Variants in RBM19 observed in about 807,000 individuals in gnomAD.
RBM19 encodes the protein probable RNA-binding protein 19.
RBM19 carries 94 observed loss-of-function variants against 116.8 expected under a neutral mutation model. The ratio of observed to expected loss-of-function variants is 0.80; its 90% CI spans 0.68 to 0.95. The LOEUF (loss-of-function observed/expected upper bound fraction) is 0.95. RBM19 is among the 40% of genes least tolerant of loss of function. RBM19 has a pLI of 0.00. For missense variants in RBM19, 1,161 were observed against 1,220.7 expected, an observed-to-expected ratio of 0.95 and a Z score of 0.73; for synonymous variants, 475 against 494.1, an observed-to-expected ratio of 0.96 and a Z score of 0.51.
At chr12:113,949,412 C>A (rs774078436) in intron 9 of RBM19, among the ~76,000 whole-genome samples, 4 of 152,194 alleles carry the variant, frequency 2.6e-5, no homozygotes, top group Admixed American at 2.6e-4. Context: ...TTTATTTGCA[C>A]GCATAGCCCC....
intron 21 of RBM19, among the ~76,000 whole-genome samples, chr12:113,868,002 A>G (rs1878954346): frequency 6.6e-6 from 1 of 152,156 alleles, no homozygotes; most frequent in Non-Finnish European, 1.5e-5. Flanking sequence ...ACATTCTAGT[A>G]TTTTTTCTCC....
chr12:113,927,072 T>G lies in RBM19; in HGVS notation c.2226A>C (p.Thr742=), dbSNP rs1433262181. 6.2e-7 allele frequency: 1 copy of G among 1,613,438 alleles called. No homozygotes were observed. Among genetic ancestry groups the G allele is most frequent in the African/African-American group, 1.3e-5 (1 of 74,920 alleles). Reference sequence around the variant, plus strand: ...CACTCACTTCCTTCAGCTTCTCTTCTGTTGTGTCAAAATTGAGATTCTTAA... The same window carrying G: ...CACTCACTTCCTTCAGCTTCTCTTCGGTTGTGTCAAAATTGAGATTCTTAA... ...LFIKNLNFDT[T]EEKLKEVFSK... is the part of the protein sequence containing the mutation. Residue 742 remains threonine, a synonymous_variant, in exon 17 of 24, where the codon ACA becomes ACC. Transcript: ENST00000261741.
At chr12:113,859,516 C>G (rs1023890830) in intron 21 of RBM19, among the ~76,000 whole-genome samples, 1 of 152,204 alleles carries the variant, frequency 6.6e-6, no homozygotes, top group Non-Finnish European at 1.5e-5. Flanking sequence ...ATCTTCTAAG[C>G]CAAAGTCAGG....
chr12:113,888,225 A>C (rs917673339), intron 21 of RBM19, among the ~76,000 whole-genome samples: 1 of 152,192 alleles, frequency 6.6e-6, no homozygotes, highest in Non-Finnish European at 1.5e-5. Flanking sequence ...AAAAAAACTC[A>C]ATGCTTTACA....
At chr12:113,839,936 G>C (rs1039838040) in intron 23 of RBM19, among the ~76,000 whole-genome samples, 2 of 151,982 alleles carry the variant, frequency 1.3e-5, no homozygotes, top group South Asian at 4.2e-4. Flanking sequence ...AAACCTTTTG[G>C]GGCCCATGAC....
At chr12:113,838,192 C>A (rs1876131593) in intron 23 of RBM19, among the ~76,000 whole-genome samples, 1 of 152,244 alleles carries the variant, frequency 6.6e-6, no homozygotes, top group Non-Finnish European at 1.5e-5. Flanking sequence ...TAACTGCACT[C>A]ACCCACTCTG....
intron 21 of RBM19, among the ~76,000 whole-genome samples, chr12:113,873,590 A>G (rs1251632365): frequency 8.0e-6 from 1 of 124,432 alleles, no homozygotes; most frequent in African/African-American, 3.1e-5. Context: ...ACCTTTGTTC[A>G]CTTGTTTATC....
intron 22 of RBM19, among the ~76,000 whole-genome samples, chr12:113,846,483 C>G (rs901142645): frequency 5.3e-5 from 8 of 152,074 alleles, no homozygotes; most frequent in African/African-American, 1.9e-4. Flanking sequence ...AACAGCAGGC[C>G]CTGAGCCAAT....
At chr12:113,957,133 T>C (rs1374361912) in intron 6 of RBM19, among the ~76,000 whole-genome samples, 1 of 152,228 alleles carries the variant, frequency 6.6e-6, no homozygotes, top group African/African-American at 2.4e-5. Flanking sequence ...CTATCTGTAG[T>C]CATTAGACCT....
intron 21 of RBM19, among the ~76,000 whole-genome samples, chr12:113,866,858 T>C (rs982314923): frequency 6.6e-6 from 1 of 152,244 alleles, no homozygotes; most frequent in African/African-American, 2.4e-5. Context: ...GTCCAGATTA[T>C]TTTAAGAAAT....
chr12:113,931,479 T>C (rs1404198466), intron 16 of RBM19, among the ~76,000 whole-genome samples: 2 of 152,092 alleles, frequency 1.3e-5, no homozygotes, highest in East Asian at 1.9e-4. Context: ...GAAATGCAAG[T>C]ATCCACTATT....
chr12:113,917,700 G>A (rs1288646797), intron 20 of RBM19, among the ~76,000 whole-genome samples: 1 of 152,230 alleles, frequency 6.6e-6, no homozygotes, highest in Non-Finnish European at 1.5e-5. Flanking sequence ...GGCTGTTAGA[G>A]GCATTCATTT....
chr12:113,824,775 T>C (rs1874716387), intron 23 of RBM19, among the ~76,000 whole-genome samples: 1 of 151,944 alleles, frequency 6.6e-6, no homozygotes, highest in African/African-American at 2.4e-5. Flanking sequence ...CCCTCCCAAA[T>C]CAATTCAAAC....
At chr12:113,951,481 C>T (rs959303957) in intron 8 of RBM19, among the ~76,000 whole-genome samples, 3 of 152,096 alleles carry the variant, frequency 2.0e-5, no homozygotes, top group Non-Finnish European at 4.4e-5. Flanking sequence ...ATGCTGTACA[C>T]AGAGCCATTC....
Position 113,959,077 on chromosome 12 carries a change from G to A in RBM19, c.571+135C>T, listed in dbSNP as rs549208737. ...AGTGAAGACAGATGCACCTGCAGAGGGATCATCACCCCCAATGGAGAGCTC... is the reference window on the plus strand; with the variant it reads ...AGTGAAGACAGATGCACCTGCAGAGAGATCATCACCCCCAATGGAGAGCTC... On this transcript the variant is annotated intron_variant, in intron 5 of 23. Coordinates refer to ENST00000261741, the MANE Select transcript of RBM19 (RefSeq NM_016196.4). 55 of 839,622 alleles carry A rather than the reference G, an allele frequency of 6.6e-5. No homozygotes were observed. In the East Asian group the frequency reaches 1.3e-3, roughly 20 times the overall value. The allele number at this position is 839,622 out of a possible 1,614,324, so 52.0% of individuals were successfully genotyped here.
intron 16 of RBM19, among the ~76,000 whole-genome samples, chr12:113,929,970 A>G (rs1869458934): frequency 6.6e-6 from 1 of 152,254 alleles, no homozygotes; most frequent in Non-Finnish European, 1.5e-5. Flanking sequence ...AGTTTAAAGG[A>G]CAGCCCCTTC....
chr12:113,878,632 G>GAC (rs55868508), intron 21 of RBM19, among the ~76,000 whole-genome samples: 11,966 of 137,698 alleles, frequency 0.087, 531 homozygotes, highest in Middle Eastern at 0.12. Flanking sequence ...CATTCTCCCT[G>GAC]ACACACACAC....
intron 1 of RBM19, among the ~76,000 whole-genome samples, chr12:113,965,347 A>AG (rs1422260037): frequency 8.9e-5 from 8 of 89,708 alleles, no homozygotes; most frequent in South Asian, 5.3e-4. Flanking sequence ...AAGAGAGAGA[A>AG]AAAAAAGAGA....
At chr12:113,845,323 C>T (rs527492390) in intron 22 of RBM19, among the ~76,000 whole-genome samples, 17 of 151,956 alleles carry the variant, frequency 1.1e-4, no homozygotes, top group Admixed American at 8.5e-4. Flanking sequence ...GCCCTGCGCT[C>T]CCAACTCCCG....
Sources: allele counts gnomAD v4.1 joint callset (sites outside exome capture counted in the v4.1 genomes callset), GRCh38; gene constraint gnomAD v4.1.1; transcripts MANE v1.5; gene names NCBI Gene and HGNC (gene_info 2026-07-23, HGNC 2026-07-21).